Variants in PI4KA observed in about 807,000 individuals in gnomAD.
PI4KA encodes phosphatidylinositol 4-kinase alpha.
In PI4KA, 122 loss-of-function variants were observed where a neutral mutation model predicts 271.4. The ratio of observed to expected loss-of-function variants is 0.45; its 90% confidence interval spans 0.39 to 0.52. The LOEUF is 0.52. Ranked by LOEUF, PI4KA falls within the 20% of genes least tolerant of loss-of-function variation. The pLI is 0.00. For missense variants in PI4KA, 1,969 were observed against 2,769.1 expected, an observed-to-expected ratio of 0.71 and a Z score of 6.48; for synonymous variants, 1,041 against 1,078.8, an observed-to-expected ratio of 0.96 and a Z score of 0.69.
chr22:20,732,041 G>A (rs1245192836), intron 36 of PI4KA, among the ~76,000 whole-genome samples: 2 of 151,926 alleles, frequency 1.3e-5, no homozygotes, highest in Non-Finnish European at 2.9e-5. Context: ...AGGCGTGGTG[G>A]CAGGCGCCTG....
chr22:20,835,104 G>A (rs1391231597), intron 2 of PI4KA, among the ~76,000 whole-genome samples: 7 of 151,616 alleles, frequency 4.6e-5, no homozygotes, highest in Non-Finnish European at 4.4e-5. Flanking sequence ...GCTTTTTTCT[G>A]TTCATGTCCC....
At chr22:20,812,775 C>T (rs577247150) in intron 8 of PI4KA, among the ~76,000 whole-genome samples, 2 of 152,222 alleles carry the variant, frequency 1.3e-5, no homozygotes, top group African/African-American at 4.8e-5. Flanking sequence ...AGGCTAGTCT[C>T]GAACTCCTGA....
chr22:20,814,857 T>G (rs1192513439), intron 7 of PI4KA, among the ~76,000 whole-genome samples: 24 of 151,522 alleles, frequency 1.6e-4, no homozygotes, highest in Admixed American at 1.6e-3. Flanking sequence ...CATTTGACAT[T>G]TAATAAATAT....
At chr22:20,719,894 C>T (rs1233827007) in intron 43 of PI4KA, among the ~76,000 whole-genome samples, 1 of 151,978 alleles carries the variant, frequency 6.6e-6, no homozygotes, top group East Asian at 1.9e-4. Context: ...GGCGTGGTGG[C>T]AGGCGCCTGT....
intron 19 of PI4KA, 130 bp from the exon 20 acceptor site, chr22:20,765,823 G>C (rs1181353445): frequency 3.2e-6 from 2 of 632,596 alleles, no homozygotes; most frequent in Non-Finnish European, 2.9e-6. Context: ...GTAGGAAAAG[G>C]CACACTGAGC....
chr22:20,793,542 T>C (rs904019263), intron 18 of PI4KA, among the ~76,000 whole-genome samples: 1 of 152,040 alleles, frequency 6.6e-6, no homozygotes, highest in African/African-American at 2.4e-5. Context: ...AAGCATTTAG[T>C]CACCATGGAA....
At chr22:20,764,585 C>CAG in intron 22 of PI4KA, 1 of 481,940 alleles carries the variant, frequency 2.1e-6, no homozygotes, top group Non-Finnish European at 3.7e-6. Flanking sequence ...TGTTTCCTAT[C>CAG]AGAGAGAAGA....
intron 19 of PI4KA, among the ~76,000 whole-genome samples, chr22:20,775,157 T>C (rs898682276): frequency 2.0e-5 from 3 of 151,812 alleles, no homozygotes; most frequent in East Asian, 1.9e-4. Flanking sequence ...AACCCAGCTC[T>C]GGCAATTAGC....
chr22:20,830,135 T>A (rs563210760), intron 3 of PI4KA, among the ~76,000 whole-genome samples: 14 of 152,344 alleles, frequency 9.2e-5, no homozygotes, highest in Non-Finnish European at 1.2e-4. Context: ...GAGTGTTCTG[T>A]AGATATCTAT....
At chr22:20,780,631 C>G (rs1390369427) in intron 19 of PI4KA, among the ~76,000 whole-genome samples, 1 of 152,010 alleles carries the variant, frequency 6.6e-6, no homozygotes, top group Non-Finnish European at 1.5e-5. Context: ...CAAAAATTAG[C>G]TGGGCCTGGC....
Position 20,712,503 on chromosome 22 carries a change from T to G in PI4KA, c.5785A>C (p.Thr1929Pro), listed in dbSNP as rs746227248. 10 of 1,606,350 alleles carry G rather than the reference T, an allele frequency of 6.2e-6. No homozygotes were observed. The highest frequency in any genetic ancestry group is 8.5e-6 in the Non-Finnish European group (10 of 1,177,412). The change falls in exon 50 of 55, where the codon ACT (threonine) becomes CCT (proline). Residue 1929 changes from threonine (T) to proline (P), a missense_variant. This residue lies in a region of PI4KA where 110 missense variants were observed against 349.8 expected (regional missense o/e 0.31). Transcript: ENST00000255882. ...YFTRQYGDES[T>P]LAFQQARYNF... ...CTGGCTACCTGCTGGAAGGCCAGAGTGGACTCATCCCCGTACTGGCGTGTG... is the reference window on the plus strand; with the variant it reads ...CTGGCTACCTGCTGGAAGGCCAGAGGGGACTCATCCCCGTACTGGCGTGTG...
chr22:20,721,513 G>C (rs1408032504), intron 42 of PI4KA, 95 bp from the exon 43 acceptor site: 6 of 1,401,492 alleles, frequency 4.3e-6, no homozygotes, highest in Middle Eastern at 2.5e-4. Flanking sequence ...TGGTAGACCA[G>C]GCAAGGGTAA....
intron 31 of PI4KA, 25 bp from the exon 32 acceptor site, chr22:20,742,380 G>C: frequency 6.2e-7 from 1 of 1,610,158 alleles, no homozygotes; most frequent in Non-Finnish European, 8.5e-7. Flanking sequence ...ACGTCAGTCA[G>C]AGGCCTCCAA....
chr22:20,765,040 T>A, intron 21 of PI4KA, 60 bp downstream of exon 21: 4 of 1,580,460 alleles, frequency 2.5e-6, no homozygotes, highest in Non-Finnish European at 3.5e-6. Flanking sequence ...ATAATGACAG[T>A]GAAAAGATCT....
At chr22:20,765,260 A>C in intron 20 of PI4KA, 24 bp from the exon 21 acceptor site, 1 of 1,583,598 alleles carries the variant, frequency 6.3e-7, no homozygotes, top group Non-Finnish European at 8.6e-7. Context: ...AACATAAATG[A>C]GGAAATCACC....
At chr22:20,721,257 GA>G in intron 43 of PI4KA, 40 bp downstream of exon 43, 1 of 1,611,010 alleles carries the variant, frequency 6.2e-7, no homozygotes, top group South Asian at 1.1e-5. Flanking sequence ...GCAGTGCACT[GA>G]AGACAGTAAG....
intron 6 of PI4KA, 29 bp from the exon 7 acceptor site, chr22:20,818,578 A>T (rs1767907685): frequency 1.3e-6 from 2 of 1,495,484 alleles, no homozygotes; most frequent in South Asian, 2.7e-5. Flanking sequence ...GTTACATATC[A>T]GAAAAGACCA....
chr22:20,807,288 A>C, intron 10 of PI4KA, 74 bp downstream of exon 10: 1 of 898,914 alleles, frequency 1.1e-6, no homozygotes, highest in Non-Finnish European at 1.9e-6. Context: ...ACCAGTCTGC[A>C]ACCACTAGCA....
rs1927954517 is a variant in PI4KA at position 20,858,575 on chromosome 22, C to G, written c.151G>C (p.Glu51Gln). ...GCCCAGCCCGCCGACGTTACCTTCT[C>G]CAAGGATGCTGGTCTCTGCACCGCC... ...SLAVQRPASL[E>Q]KVQKLLCMCP... Residue 51 changes from glutamate (E) to glutamine (Q), a missense_variant, in exon 1 of 55, where the codon GAG becomes CAG. By Grantham distance (29) the Glu-to-Gln change is conservative (BLOSUM62 2). Coordinates refer to ENST00000255882, the MANE Select transcript of PI4KA (RefSeq NM_058004.4). 2 of 1,402,330 alleles carry G rather than the reference C, an allele frequency of 1.4e-6. No homozygotes were observed. Among genetic ancestry groups the G allele is most frequent in the Non-Finnish European group, 1.9e-6 (2 of 1,075,468 alleles). 86.9% of individuals were successfully genotyped at this position (1,402,330 alleles called of 1,614,324 possible).
Sources: gnomAD v4.1 joint callset for allele counts (sites outside exome capture counted in the v4.1 genomes callset) on GRCh38, gnomAD v4.1.1 for gene constraint, gnomAD v4.1.1 regional missense constraint, MANE v1.5 for transcripts, NCBI Gene and HGNC (gene_info 2026-07-23, HGNC 2026-07-21) for gene names.